Variants in C1R observed in about 807,000 individuals in gnomAD.
C1R encodes complement C1r subcomponent.
C1R carries 15 observed loss-of-function variants against 27.6 expected under a neutral mutation model. The observed-to-expected ratio is 0.54, with a 90% confidence interval of 0.36 to 0.84. The LOEUF (loss-of-function observed/expected upper bound fraction) is 0.84, where lower values mean the gene tolerates loss of function less well. Among genes scored for constraint, C1R ranks in the 40% least tolerant of loss-of-function variants. C1R has a pLI of 0.01. For missense variants in C1R, 544 were observed against 577.9 expected (o/e 0.94, Z 0.60); for synonymous variants, 253 against 228.8 (o/e 1.11, Z -0.95).
chr12:7,089,006 T>TC lies in C1R; in HGVS notation c.769-21_769-20insG. ...ATAGATCTAGTAGGGGAGGAGGGTT[T>TC]TTTTTTTTCAGCTTGGACGTTTTTA... On this transcript the variant is annotated intron_variant, in intron 5 of 10. Transcript: ENST00000647956. The TC allele has an allele frequency of 1.4e-6, 1 of 708,138 alleles. No homozygotes were observed. The allele number at this position is 708,138 out of a possible 1,614,324, so 43.9% of individuals were successfully genotyped here.
rs765619313 is a variant in C1R at position 7,089,504 on chromosome 12, C to G, written c.572-15G>C. The G allele has an allele frequency of 1.3e-6, 1 of 777,926 alleles. No homozygotes were observed. The highest frequency in any genetic ancestry group is 2.4e-6 in the Non-Finnish European group (1 of 415,940). The allele number at this position is 777,926 out of a possible 1,614,324, so 48.2% of individuals were successfully genotyped here. A position where few individuals can be genotyped will look rare whatever the true frequency, so the allele number is the denominator to read the frequency against. On this transcript the variant is annotated splice_polypyrimidine_tract_variant and intron_variant, in intron 4 of 10. Coordinates refer to ENST00000647956, the MANE Select transcript of C1R (RefSeq NM_001733.7). ...GCTGCACTCAGCTGTGAGAGCAGAG[C>G]CACAGGGCATTACGGGGGACTCCAG...
At position 7,088,994 on chromosome 12, in the gene C1R, G is replaced by A. The variant is rs773711634; in HGVS notation, c.769-8C>T. 4.7e-5 allele frequency: 34 copies of A among 717,474 alleles called. No homozygotes were observed. In the East Asian group the frequency reaches 8.1e-4, roughly 17 times the overall value. The allele number at this position is 717,474 out of a possible 1,614,324, so 44.4% of individuals were successfully genotyped here. A position where few individuals can be genotyped will look rare whatever the true frequency, so the allele number is the denominator to read the frequency against. On this transcript the variant is annotated splice_region_variant and splice_polypyrimidine_tract_variant and intron_variant, in intron 5 of 10. Transcript: ENST00000647956. Reference sequence around the variant, plus strand: ...CTTCCCGTTGGCATAGATCTAGTAGGGGAGGAGGGTTTTTTTTTTTCAGCT... The same window carrying A: ...CTTCCCGTTGGCATAGATCTAGTAGAGGAGGAGGGTTTTTTTTTTTCAGCT...
At chr12:7,082,184 AGT>A (rs1938076579) in intron 9 of C1R, 78 bp from the exon 10 acceptor site, 1 of 805,942 alleles carries the variant, frequency 1.2e-6, no homozygotes, top group African/African-American at 1.7e-5. Context: ...GCAAGTACTG[AGT>A]GTGCTTGATG....
chr12:7,083,470 G>A (rs1343285559), intron 9 of C1R, among the ~76,000 whole-genome samples: 2 of 109,578 alleles, frequency 1.8e-5, no homozygotes, highest in African/African-American at 8.9e-5. Flanking sequence ...TGGTGATGGA[G>A]GTGATGGTGG....
intron 5 of C1R, 62 bp downstream of exon 5, chr12:7,089,231 A>G (rs1938209722): frequency 3.1e-5 from 23 of 743,088 alleles, no homozygotes; most frequent in South Asian, 2.7e-4. Context: ...AAGTTGGGAC[A>G]AGAGGAGCCA....
chr12:7,087,577 G>A lies in C1R; in HGVS notation c.1038+1033C>T, dbSNP rs1938174649. The A allele has an allele frequency of 1.9e-5, 3 of 154,412 alleles. No homozygotes were observed. In the Admixed American group the frequency reaches 2.0e-4, roughly 10 times the overall value. 9.6% of individuals were successfully genotyped at this position (154,412 alleles called of 1,614,324 possible). A position where few individuals can be genotyped will look rare whatever the true frequency, so the allele number is the denominator to read the frequency against. The stretch of plus-strand genomic sequence containing the variant: ...GGCAGTGGGTGGTGCAGGCAAGGGA[G>A]GGTTGTAATAGGAGCAAAGAGGTTG... On this transcript the variant is annotated intron_variant, in intron 7 of 10. Transcript: ENST00000647956.
intron 7 of C1R, chr12:7,087,734 G>C (rs1447740028): frequency 1.3e-5 from 2 of 154,356 alleles, no homozygotes; most frequent in African/African-American, 4.8e-5. Flanking sequence ...CTCCACAAAG[G>C]CTGTGTGACT....
At chr12:7,088,376 A>G (rs1210474157) in intron 7 of C1R, 3 of 698,368 alleles carry the variant, frequency 4.3e-6, no homozygotes, top group Non-Finnish European at 7.8e-6. Context: ...CTCAGGCTGG[A>G]GTGCAGTGGC....
intron 9 of C1R, among the ~76,000 whole-genome samples, chr12:7,082,811 T>A (rs1354948513): frequency 6.6e-6 from 1 of 152,198 alleles, no homozygotes; most frequent in African/African-American, 2.4e-5. Flanking sequence ...GCTAAGCACT[T>A]TATCTGCACG....
Position 7,080,669 on chromosome 12 carries a change from T to G in C1R, c.1981A>C (p.Arg661=). 11 of 1,613,946 alleles carry G rather than the reference T, an allele frequency of 6.8e-6. No individual in the cohort carries two copies. Among genetic ancestry groups the G allele is most frequent in the Non-Finnish European group, 9.3e-6 (11 of 1,179,864 alleles). The change falls in exon 11 of 11, where the codon AGG becomes CGG. Residue 661 remains arginine, a synonymous_variant. Coordinates refer to ENST00000647956, the MANE Select transcript of C1R (RefSeq NM_001733.7). This position sits in a 1 kb window ranked among gnomAD's most constrained non-coding sequence, Gnocchi z 4.9. Reference sequence around the variant, plus strand: ...ACCCAGCGATCAGTGTTCGGGTCCCTTACTGCAAAAACGCCCCCACTATCC... The same window carrying G: ...ACCCAGCGATCAGTGTTCGGGTCCCGTACTGCAAAAACGCCCCCACTATCC... ...QGDSGGVFAV[R]DPNTDRWVAT...
Position 7,091,888 on chromosome 12 carries a change from G to T in C1R, c.3-208C>A. On this transcript the variant is annotated intron_variant, in intron 1 of 10. Transcript: ENST00000647956. This position sits in a 1 kb window ranked among gnomAD's most constrained non-coding sequence, Gnocchi z 5.1. ...CTGCATCGGGTCACTCTCCAGGGCA[G>T]TGTCCAGTCCAGAGGCCACCACACT... 1.4e-6 allele frequency: 1 copy of T among 691,790 alleles called. No homozygotes were observed. The highest frequency in any genetic ancestry group is 2.6e-6 in the Non-Finnish European group (1 of 379,562). 42.9% of individuals were successfully genotyped at this position (691,790 alleles called of 1,614,324 possible). A position where few individuals can be genotyped will look rare whatever the true frequency, so the allele number is the denominator to read the frequency against.
intron 2 of C1R, 139 bp from the exon 3 acceptor site, chr12:7,090,387 T>C: frequency 3.3e-6 from 2 of 606,472 alleles, no homozygotes; most frequent in South Asian, 4.0e-5. Context: ...CCTGCTGGGC[T>C]CAGCTGCTGC....
Position 7,091,579 on chromosome 12 carries a change from G to T in C1R, c.104C>A (p.Pro35His). The change falls in exon 2 of 11, where the codon CCC becomes CAC. Residue 35 changes from proline (P) to histidine (H), a missense_variant. Physicochemically the swap from Pro to His is moderately conservative, Grantham distance 77. Around this residue, in one of 2 missense-constraint regions of C1R, gnomAD observed 291 missense variants for 209.0 expected, o/e 1.39. Coordinates refer to ENST00000647956, the MANE Select transcript of C1R (RefSeq NM_001733.7). The surrounding 1 kb of genome is among the most constrained non-coding windows in gnomAD (Gnocchi z 5.1). ...TTCAAAGTTGTTGGGGTAAGGCTTG[G>T]GGAACAGAGGGGAAGTCACCTCCCC... ...LFGEVTSPLF[P>H]KPYPNNFETT... The T allele has an allele frequency of 1.3e-6, 1 of 772,666 alleles. No individual in the cohort carries two copies. The highest frequency in any genetic ancestry group is 2.4e-6 in the Non-Finnish European group (1 of 414,246). 47.9% of individuals were successfully genotyped at this position (772,666 alleles called of 1,614,324 possible). A position where few individuals can be genotyped will look rare whatever the true frequency, so the allele number is the denominator to read the frequency against.
Position 7,080,548 on chromosome 12 carries a change from A to G in C1R, c.2102T>C (p.Met701Thr). The stretch of plus-strand genomic sequence containing the variant: ...ATTCTGGGCTCAGTCCTCCTCCTCC[A>G]TCTCTTTCTTGATCCAGTCCACGTA... ...LNYVDWIKKE[M>T]EEED Residue 701 changes from methionine (M) to threonine (T), a missense_variant, in exon 11 of 11, where the codon ATG (methionine) becomes ACG (threonine). Coordinates refer to ENST00000647956, the MANE Select transcript of C1R (RefSeq NM_001733.7). The surrounding 1 kb of genome is among the most constrained non-coding windows in gnomAD (Gnocchi z 4.9). 2 of 1,569,430 alleles carry G rather than the reference A, an allele frequency of 1.3e-6. No individual in the cohort carries two copies. Among genetic ancestry groups the G allele is most frequent in the Non-Finnish European group, 1.7e-6 (2 of 1,154,602 alleles).
In C1R at chr12:7,091,520, T is replaced by G. The variant is rs766496930; in HGVS notation, c.163A>C (p.Arg55=). 1.8e-5 allele frequency: 14 copies of G among 778,544 alleles called. No individual in the cohort carries two copies. The highest frequency in any genetic ancestry group is 3.4e-5 in the Non-Finnish European group (14 of 417,070). The allele number at this position is 778,544 out of a possible 1,614,324, so 48.2% of individuals were successfully genotyped here. ...TTVITVPTGY[R]VKLVFQQFDL... is the part of the protein sequence containing the mutation. ...AACTGCTGGAAGACGAGCTTCACCC[T>G]GTATCCCGTGGGGACTGTGATCACA... is the stretch of plus-strand genomic sequence containing the variant. Residue 55 remains arginine (R), a synonymous_variant, in exon 2 of 11, where the codon AGG becomes CGG. Coordinates refer to ENST00000647956, the MANE Select transcript of C1R (RefSeq NM_001733.7). This position sits in a 1 kb window ranked among gnomAD's most constrained non-coding sequence, Gnocchi z 5.1.
intron 3 of C1R, 86 bp downstream of exon 3, chr12:7,089,970 C>T (rs1247765112): frequency 1.4e-6 from 1 of 700,308 alleles, no homozygotes; most frequent in Non-Finnish European, 2.7e-6. Context: ...AGGCTTTCGG[C>T]TTCTTTGCAT....
At chr12:7,081,961 G>GAGAGAAGA in intron 10 of C1R, 71 bp downstream of exon 10, 1 of 1,284,988 alleles carries the variant, frequency 7.8e-7, no homozygotes, top group Non-Finnish European at 1.1e-6. Context: ...CCTTTTTCTG[G>GAGAGAAGA]GCCACACTGC....
rs1938152767 is a variant in C1R, at chr12:7,086,120, G to A, written c.1118-104C>T. 1.8e-5 allele frequency: 7 copies of A among 398,154 alleles called. No homozygotes were observed. In the South Asian group the frequency reaches 8.2e-4, roughly 47 times the overall value. The allele number at this position is 398,154 out of a possible 1,614,324, so 24.7% of individuals were successfully genotyped here. A position where few individuals can be genotyped will look rare whatever the true frequency, so the allele number is the denominator to read the frequency against. The stretch of plus-strand genomic sequence containing the variant: ...CCTGCAGAGCAGGCTCAGAAGCTTA[G>A]AAAAGATAGTCAGTGGGGAGGGCCC... On this transcript the variant is annotated intron_variant, in intron 8 of 10. Transcript: ENST00000647956.
rs1322393212 is a variant in C1R, at chr12:7,080,570, C to T, written c.2080G>A (p.Val694Met). ...YGFYTKVLNY[V>M]DWIKKEMEEE... Reference sequence around the variant, plus strand: ...TCCATCTCTTTCTTGATCCAGTCCACGTAGTTGAGCACTTTGGTGTAGAAG... The same window carrying T: ...TCCATCTCTTTCTTGATCCAGTCCATGTAGTTGAGCACTTTGGTGTAGAAG... Residue 694 changes from valine to methionine, a missense_variant, in exon 11 of 11, where the codon GTG becomes ATG. Val to Met is a conservative substitution (Grantham distance 21). Around this residue, in one of 2 missense-constraint regions of C1R, gnomAD observed 253 missense variants for 368.9 expected, o/e 0.69. Transcript: ENST00000647956. This position sits in a 1 kb window ranked among gnomAD's most constrained non-coding sequence, Gnocchi z 4.9. The T allele has an allele frequency of 1.3e-6, 2 of 1,595,872 alleles. No individual in the cohort carries two copies. Among genetic ancestry groups the T allele is most frequent in the Non-Finnish European group, 1.7e-6 (2 of 1,168,760 alleles).
Sources: gnomAD v4.1 joint callset for allele counts (sites outside exome capture counted in the v4.1 genomes callset) on GRCh38, gnomAD v4.1.1 for gene constraint, gnomAD v4.1.1 regional missense constraint, Gnocchi (gnomAD v3.1) non-coding constraint, MANE v1.5 for transcripts, NCBI Gene and HGNC (gene_info 2026-07-23, HGNC 2026-07-21) for gene names.